The following LAMA2 variants were observed in gnomAD, a reference collection of about 807,000 sequenced individuals.
The protein encoded by LAMA2 is laminin subunit alpha 2.
LAMA2 carries 269 observed loss-of-function variants against 364.8 expected under a neutral mutation model. The ratio of observed to expected loss-of-function variants is 0.74; its 90% CI spans 0.67 to 0.82. The LOEUF is 0.82. Among genes scored for constraint, LAMA2 ranks in the 40% least tolerant of loss-of-function variants. LAMA2 has a pLI of 0.00. For missense variants in LAMA2, 3,807 were observed against 3,873.2 expected (o/e 0.98, Z 0.45); for synonymous variants, 1,379 against 1,370.6 (o/e 1.01, Z -0.14).
intron 3 of LAMA2, among the ~76,000 whole-genome samples, chr6:129,083,059 G>A (rs1316085248): frequency 1.4e-5 from 2 of 139,564 alleles, no homozygotes; most frequent in African/African-American, 2.7e-5. Flanking sequence ...ATTTATTTCT[G>A]TCTAGTTCTC....
chr6:128,925,998 T>G (rs933969269), intron 1 of LAMA2, among the ~76,000 whole-genome samples: 7 of 152,178 alleles, frequency 4.6e-5, no homozygotes, highest in African/African-American at 1.7e-4. Flanking sequence ...GGACTCTCCA[T>G]TGGTCCTTTA....
intron 1 of LAMA2, among the ~76,000 whole-genome samples, chr6:129,048,454 TTC>T (rs1224037844): frequency 2.1e-5 from 1 of 47,074 alleles, no homozygotes; most frequent in Non-Finnish European, 4.4e-5. Flanking sequence ...CTTTCTTTCT[TTC>T]TTTCTTTCTT....
At chr6:128,908,217 T>C (rs1777632763) in intron 1 of LAMA2, among the ~76,000 whole-genome samples, 1 of 149,332 alleles carries the variant, frequency 6.7e-6, no homozygotes, top group Admixed American at 6.6e-5. Flanking sequence ...ATGGTACCAG[T>C]TCCTCCTTGT....
intron 7 of LAMA2, among the ~76,000 whole-genome samples, chr6:129,153,650 T>TTAA (rs763966141): frequency 5.9e-5 from 9 of 152,162 alleles, no homozygotes; most frequent in Non-Finnish European, 1.3e-4. Context: ...CAAAAATAGG[T>TTAA]TAATAATAAT....
chr6:129,110,419 T>A (rs926268810), intron 4 of LAMA2, among the ~76,000 whole-genome samples: 4 of 152,058 alleles, frequency 2.6e-5, no homozygotes, highest in Non-Finnish European at 5.9e-5. Context: ...CTGGTTATTA[T>A]CAGTTTTATT....
intron 17 of LAMA2, among the ~76,000 whole-genome samples, chr6:129,274,447 G>A (rs919108499): frequency 1.3e-5 from 2 of 151,058 alleles, no homozygotes; most frequent in African/African-American, 2.4e-5. Context: ...AAAGGTTGAC[G>A]CAACCTTCAT....
At chr6:129,228,650 C>A (rs979631474) in intron 12 of LAMA2, among the ~76,000 whole-genome samples, 5 of 151,982 alleles carry the variant, frequency 3.3e-5, no homozygotes, top group African/African-American at 1.2e-4. Context: ...AGCATATATA[C>A]CCTGAAGGCA....
At position 129,226,427 on chromosome 6, in the gene LAMA2, C is replaced by T. The variant is rs890861860; in HGVS notation, c.1783-23685C>T. Among the ~76,000 whole-genome samples the T allele has an allele frequency of 3.0e-4, 46 of 152,246 alleles. 1 individual carries two copies. Among genetic ancestry groups the T allele is most frequent in the African/African-American group, 8.7e-4 (36 of 41,554 alleles). On this transcript the variant is annotated intron_variant, in intron 12 of 64. Coordinates refer to ENST00000421865, the MANE Select transcript of LAMA2 (RefSeq NM_000426.4). ...AGTTGTTTCAGTTTCTTCCTAGCAT[C>T]GATGGTCTTTACAATTTGGCATGTT...
chr6:129,155,990 A>G (rs1326887954), intron 8 of LAMA2, among the ~76,000 whole-genome samples: 1 of 151,844 alleles, frequency 6.6e-6, no homozygotes, highest in African/African-American at 2.4e-5. Context: ...TTTCAGTTAG[A>G]TAGTAGGAAT....
intron 34 of LAMA2, among the ~76,000 whole-genome samples, chr6:129,375,616 C>T (rs1249938920): frequency 2.0e-5 from 3 of 152,184 alleles, no homozygotes; most frequent in Non-Finnish European, 2.9e-5. Flanking sequence ...TCCAACCTTT[C>T]ATTCTAAGGC....
intron 4 of LAMA2, among the ~76,000 whole-genome samples, chr6:129,140,869 T>C (rs1427641491): frequency 6.6e-6 from 1 of 152,114 alleles, no homozygotes; most frequent in Non-Finnish European, 1.5e-5. Context: ...AGTAGCTTGA[T>C]GAAAATACCA....
chr6:129,108,081 T>G (rs1490567066), intron 4 of LAMA2, among the ~76,000 whole-genome samples: 1 of 152,002 alleles, frequency 6.6e-6, no homozygotes, highest in Non-Finnish European at 1.5e-5. Context: ...ATCTAATAGG[T>G]TTTTTTAACC....
intron 33 of LAMA2, among the ~76,000 whole-genome samples, chr6:129,369,597 C>T (rs1263902838): frequency 6.6e-6 from 1 of 152,082 alleles, no homozygotes; most frequent in Non-Finnish European, 1.5e-5. Context: ...TTTGCTCTTT[C>T]ATGAAATGGA....
chr6:129,041,571 A>T (rs1028655228), intron 1 of LAMA2, among the ~76,000 whole-genome samples: 7 of 152,238 alleles, frequency 4.6e-5, no homozygotes, highest in Non-Finnish European at 8.8e-5. Flanking sequence ...AATACATAAA[A>T]TCCAAAGAAT....
Position 129,516,382 on chromosome 6 carries a change from AAACAAGTAT to A in LAMA2, c.*37_*45del. On this transcript the variant is annotated 3_prime_UTR_variant, in exon 65 of 65. Transcript: ENST00000421865. ...GTGTAACCCCAGGAAGAGTCTGTCAAAACAAGTATATCAAGTAAAACAAACAAATATATT... is the reference window on the plus strand; with the variant it reads ...GTGTAACCCCAGGAAGAGTCTGTCAAATCAAGTAAAACAAACAAATATATT... 6.3e-7 allele frequency: 1 copy of A among 1,599,484 alleles called. No individual in the cohort carries two copies. Among genetic ancestry groups the A allele is most frequent in the Non-Finnish European group, 8.6e-7 (1 of 1,167,734 alleles).
rs750498322 is a variant in LAMA2 at position 129,366,295 on chromosome 6, C to A, written c.4794C>A (p.Leu1598=). The change falls in exon 33 of 65, where the codon CTC becomes CTA. Residue 1598 remains leucine (L), a synonymous_variant. Transcript: ENST00000421865. The part of the protein sequence containing the change: ...RLEQMVMSIN[L]TGPLPAPYKM... Reference sequence around the variant, plus strand: ...AGCAGATGGTCATGAGCATCAACCTCACTGGTCCGCTGCCTGCGCCATATA... The same window carrying A: ...AGCAGATGGTCATGAGCATCAACCTAACTGGTCCGCTGCCTGCGCCATATA... The A allele has an allele frequency of 1.1e-5, 17 of 1,613,932 alleles. No individual in the cohort carries two copies. The South Asian group carries it at 1.9e-4, about 18-fold the overall frequency.
At chr6:129,315,690 A>C in intron 25 of LAMA2, 35 bp downstream of exon 25, 1 of 1,611,674 alleles carries the variant, frequency 6.2e-7, no homozygotes. Flanking sequence ...AGTGAGAACA[A>C]GATAAAATCT....
chr6:129,214,190 A>G (rs1235870415), intron 12 of LAMA2, among the ~76,000 whole-genome samples: 2 of 152,182 alleles, frequency 1.3e-5, no homozygotes, highest in African/African-American at 4.8e-5. Flanking sequence ...CCAAGTTAGG[A>G]CAGGTGCATT....
intron 8 of LAMA2, among the ~76,000 whole-genome samples, chr6:129,155,589 G>A (rs1464482032): frequency 2.6e-5 from 4 of 152,030 alleles, no homozygotes; most frequent in Non-Finnish European, 5.9e-5. Flanking sequence ...CCCATATCAA[G>A]TAAATGTTTG....
Sources: allele counts gnomAD v4.1 joint callset (sites outside exome capture counted in the v4.1 genomes callset), GRCh38; gene constraint gnomAD v4.1.1; transcripts MANE v1.5; gene names NCBI Gene and HGNC (gene_info 2026-07-23, HGNC 2026-07-21).